COBL: variants seen among roughly 807,000 people sequenced by gnomAD.
COBL encodes the protein cordon-bleu WH2 repeat protein.
Under a neutral mutation model 98.8 loss-of-function variants are expected in COBL, and 51 were observed. The ratio of observed to expected loss-of-function variants is 0.52; its 90% confidence interval spans 0.41 to 0.65. The LOEUF is 0.65. Among genes scored for constraint, COBL ranks in the 30% least tolerant of loss-of-function variants. The probability of loss-of-function intolerance (pLI) is 0.00; values close to 1 mark genes in which losing one functional copy is unlikely to be tolerated. For synonymous variants in COBL, 634 were observed against 651.7 expected (o/e 0.97, Z 0.41); for missense variants, 1,617 against 1,617.5 (o/e 1.00, Z 0.01).
rs1459338841 is a variant in COBL, at chr7:51,315,789, C to T, written c.41+804G>A. Reference sequence around the variant, plus strand: ...CTCGTCCTGTTTGAGGGAAATTACTCTTTCTGAGAGTCAAATCCTGAATGT... The same window carrying T: ...CTCGTCCTGTTTGAGGGAAATTACTTTTTCTGAGAGTCAAATCCTGAATGT... On this transcript the variant is annotated intron_variant, in intron 1 of 12. Coordinates refer to ENST00000265136, the MANE Select transcript of COBL (RefSeq NM_015198.5). Among the ~76,000 whole-genome samples the T allele has an allele frequency of 2.0e-5, 3 of 152,230 alleles. No individual in the cohort carries two copies. In the East Asian group the frequency reaches 5.8e-4, roughly 29 times the overall value.
intron 2 of COBL, among the ~76,000 whole-genome samples, chr7:51,208,238 C>T (rs376196067): frequency 2.6e-5 from 4 of 151,734 alleles, no homozygotes; most frequent in African/African-American, 4.8e-5. Context: ...GCCCGGCAGC[C>T]GCCCCGTCTG....
rs1253579957 is a variant in COBL at position 51,198,726 on chromosome 7, C to G, written c.246-5137G>C. 2.0e-5 allele frequency among the ~76,000 whole-genome samples: 3 copies of G among 152,266 alleles called. No individual in the cohort carries two copies. The East Asian group carries it at 5.8e-4, about 29-fold the overall frequency. On this transcript the variant is annotated intron_variant, in intron 2 of 12. Transcript: ENST00000265136. ...AAATAAATTGAAGATTGGGAACTCA[C>G]AGGGCACTGGTAAACACACAGGTGC...
At chr7:51,136,049 T>A (rs1799203755) in intron 6 of COBL, 109 bp downstream of exon 6, 2 of 1,375,128 alleles carry the variant, frequency 1.5e-6, no homozygotes, top group East Asian at 4.7e-5. Context: ...AACACTCCAG[T>A]CGCTACAGCC....
At position 51,172,808 on chromosome 7, in the gene COBL, T is replaced by G. The variant is rs532781450; in HGVS notation, c.783+11294A>C. On this transcript the variant is annotated intron_variant, in intron 5 of 12. Transcript: ENST00000265136. ...TTTCTTTCTCTCTTTCCTTTTTTTTTGACAGTGTCTTGCTGTGTCGCCCGG... is the reference window on the plus strand; with the variant it reads ...TTTCTTTCTCTCTTTCCTTTTTTTTGGACAGTGTCTTGCTGTGTCGCCCGG... Among the ~76,000 whole-genome samples the G allele has an allele frequency of 2.0e-5, 3 of 152,238 alleles. No homozygotes were observed. The South Asian group carries it at 6.2e-4, about 32-fold the overall frequency.
intron 1 of COBL, among the ~76,000 whole-genome samples, chr7:51,297,820 C>T (rs1428472458): frequency 2.0e-5 from 3 of 152,200 alleles, no homozygotes; most frequent in Non-Finnish European, 4.4e-5. Flanking sequence ...TAAAAAGTCT[C>T]CTCTTCAGAG....
chr7:51,227,775 C>T (rs1397194611), intron 1 of COBL, among the ~76,000 whole-genome samples: 1 of 152,176 alleles, frequency 6.6e-6, no homozygotes, highest in Non-Finnish European at 1.5e-5. Context: ...GGGCAATGTT[C>T]CTGTGAAGAC....
intron 1 of COBL, among the ~76,000 whole-genome samples, chr7:51,251,875 C>A (rs1273269653): frequency 1.3e-5 from 2 of 152,190 alleles, no homozygotes; most frequent in Non-Finnish European, 2.9e-5. Flanking sequence ...CACACACACA[C>A]ACAACCATTT....
At chr7:51,299,393 C>T (rs1235293195) in intron 1 of COBL, among the ~76,000 whole-genome samples, 2 of 152,240 alleles carry the variant, frequency 1.3e-5, no homozygotes, top group African/African-American at 4.8e-5. Context: ...AGACTATGGA[C>T]ATCCAAATTT....
intron 5 of COBL, among the ~76,000 whole-genome samples, chr7:51,162,137 G>A (rs1012216708): frequency 6.6e-6 from 1 of 152,154 alleles, no homozygotes; most frequent in Non-Finnish European, 1.5e-5. Context: ...GAGTCCAGAT[G>A]TGTGGGATGA....
intron 1 of COBL, among the ~76,000 whole-genome samples, chr7:51,284,015 G>A (rs1458094552): frequency 6.6e-6 from 1 of 151,640 alleles, no homozygotes; most frequent in African/African-American, 2.4e-5. Flanking sequence ...GCTGGGCACG[G>A]TGGCTCATGC....
At chr7:51,166,114 G>T (rs1046107933) in intron 5 of COBL, among the ~76,000 whole-genome samples, 2 of 151,700 alleles carry the variant, frequency 1.3e-5, no homozygotes, top group African/African-American at 4.8e-5. Context: ...ATAATAATCA[G>T]AGCAGAAATA....
intron 2 of COBL, among the ~76,000 whole-genome samples, chr7:51,203,514 G>A (rs1159275437): frequency 8.9e-6 from 1 of 112,960 alleles, no homozygotes; most frequent in Non-Finnish European, 2.0e-5. Context: ...AAAGAGAGAA[G>A]ACTTAAAATC....
chr7:51,237,994 G>T (rs6593338), intron 1 of COBL, among the ~76,000 whole-genome samples: 95,910 of 152,048 alleles, frequency 0.63, 30,457 homozygotes, highest in East Asian at 0.7. Context: ...ACACCCTCCA[G>T]GGCATGCCCC....
At chr7:51,094,044 G>GTATTGTAA (rs1259612784) in intron 6 of COBL, among the ~76,000 whole-genome samples, 3 of 151,168 alleles carry the variant, frequency 2.0e-5, no homozygotes, top group Non-Finnish European at 4.4e-5. Flanking sequence ...ACAATACACA[G>GTATTGTAA]CCTTTAAAAA....
At position 51,025,281 on chromosome 7, in the gene COBL, C is replaced by A. The variant is rs1201831220; in HGVS notation, c.3596G>T (p.Gly1199Val). 1 of 1,611,214 alleles carries A rather than the reference C, an allele frequency of 6.2e-7. No individual in the cohort carries two copies. The highest frequency in any genetic ancestry group is 1.1e-5 in the South Asian group (1 of 90,958). ...GGGAATGGCTGGTGGGGACAGAAGACCAAGGTCTTCTAGCAGAGGACTTTC... is the reference window on the plus strand; with the variant it reads ...GGGAATGGCTGGTGGGGACAGAAGAACAAGGTCTTCTAGCAGAGGACTTTC... ...GSESPLLEDL[G>V]LLSPPAIPPP... The change falls in exon 12 of 13, where the codon GGT becomes GTT. Residue 1199 changes from glycine (G) to valine (V), a missense_variant. Physicochemically the swap from Gly to Val is moderately radical, Grantham distance 109. Transcript: ENST00000265136.
At chr7:51,228,514 GA>G (rs1213920791) in intron 1 of COBL, among the ~76,000 whole-genome samples, 1 of 152,000 alleles carries the variant, frequency 6.6e-6, no homozygotes, top group Admixed American at 6.6e-5. Flanking sequence ...AACTGCCTAA[GA>G]AATCCTACAC....
At chr7:51,071,494 T>C (rs1448710321) in intron 7 of COBL, 1 of 152,164 alleles carries the variant, frequency 6.6e-6, no homozygotes, top group East Asian at 1.9e-4. Context: ...TCAAGTAAAT[T>C]GGGGGTGCCA....
At chr7:51,111,296 AT>A (rs1432994650) in intron 6 of COBL, among the ~76,000 whole-genome samples, 1 of 152,196 alleles carries the variant, frequency 6.6e-6, no homozygotes, top group African/African-American at 2.4e-5. Flanking sequence ...CCAAGAGTGC[AT>A]AAGCATCCCC....
At position 51,316,712 on chromosome 7, in the gene COBL, C is replaced by T. The variant is rs1373993634; in HGVS notation, c.-79G>A. On this transcript the variant is annotated 5_prime_UTR_variant, in exon 1 of 13. Coordinates refer to ENST00000265136, the MANE Select transcript of COBL (RefSeq NM_015198.5). ...GGCTACCGCCGCCACCGCTGCCGCC[C>T]TCATTCACTTTTTCCGCGCTGACCC... 1.8e-6 allele frequency: 2 copies of T among 1,082,282 alleles called. No individual in the cohort carries two copies. Among genetic ancestry groups the T allele is most frequent in the Non-Finnish European group, 2.3e-6 (2 of 862,510 alleles). 67.0% of individuals were successfully genotyped at this position (1,082,282 alleles called of 1,614,324 possible).
Sources: gnomAD v4.1 joint callset for allele counts (sites outside exome capture counted in the v4.1 genomes callset) on GRCh38, gnomAD v4.1.1 for gene constraint, MANE v1.5 for transcripts, NCBI Gene and HGNC (gene_info 2026-07-23, HGNC 2026-07-21) for gene names.